The following PCDHA6 variants were observed in gnomAD, a reference collection of about 807,000 sequenced individuals.
PCDHA6 encodes protocadherin alpha 6, also known as protocadherin alpha-6.
Under a neutral mutation model 60.3 loss-of-function variants are expected in PCDHA6, and 55 were observed. That is an observed-to-expected ratio of 0.91 (90% confidence interval 0.73 to 1.14). The LOEUF is 1.14. PCDHA6 is among the 50% of genes most tolerant of loss of function. PCDHA6 has a pLI of 0.00. For missense variants in PCDHA6, 1,327 were observed against 1,256.5 expected, an observed-to-expected ratio of 1.06 and a Z score of -0.85; for synonymous variants, 652 against 557.9, an observed-to-expected ratio of 1.17 and a Z score of -2.38.
chr5:140,837,661 T>C (rs1775184635), intron 1 of PCDHA6, among the ~76,000 whole-genome samples: 1 of 151,786 alleles, frequency 6.6e-6, no homozygotes, highest in East Asian at 1.9e-4. Flanking sequence ...TCCTTTTTCT[T>C]TCATTCTTTT....
chr5:140,984,882 A>G (rs1456658089), intron 3 of PCDHA6, among the ~76,000 whole-genome samples: 3 of 152,150 alleles, frequency 2.0e-5, no homozygotes, highest in African/African-American at 7.2e-5. Context: ...AGTTACCATG[A>G]GAACTAAAGG....
At chr5:140,992,261 G>A (rs1056414788) in intron 3 of PCDHA6, among the ~76,000 whole-genome samples, 1 of 152,172 alleles carries the variant, frequency 6.6e-6, no homozygotes, top group Non-Finnish European at 1.5e-5. Context: ...AAAGATGAAA[G>A]TTCTTTTCGT....
At position 140,830,305 on chromosome 5, in the gene PCDHA6, G is replaced by T. The variant is rs2150184776; in HGVS notation, c.2214G>T (p.Thr738=). 2 of 1,613,830 alleles carry T rather than the reference G, an allele frequency of 1.2e-6. No homozygotes were observed. The highest frequency in any genetic ancestry group is 1.7e-6 in the Non-Finnish European group (2 of 1,179,910). ...TEGACTADKP[T]LVCSSAVGSW... ...GCGCGTGCACGGCGGACAAGCCCAC[G>T]CTGGTGTGCTCCAGCGCAGTGGGGA... Residue 738 remains threonine (T), a synonymous_variant, in exon 1 of 4, where the codon ACG becomes ACT. Coordinates refer to ENST00000529310, the MANE Select transcript of PCDHA6 (RefSeq NM_018909.4).
intron 1 of PCDHA6, among the ~76,000 whole-genome samples, chr5:140,889,945 C>A (rs2153428950): frequency 6.6e-6 from 1 of 152,212 alleles, no homozygotes; most frequent in Non-Finnish European, 1.5e-5. Flanking sequence ...TTGTGAGAAG[C>A]CAAATGGATA....
intron 1 of PCDHA6, chr5:140,877,194 A>G (rs1350324855): frequency 1.2e-6 from 2 of 1,613,646 alleles, no homozygotes; most frequent in Non-Finnish European, 1.7e-6. Context: ...GCAGCGCAGG[A>G]GGCGCAGTTA....
chr5:140,889,067 C>T (rs1169049844), intron 1 of PCDHA6, among the ~76,000 whole-genome samples: 1 of 151,942 alleles, frequency 6.6e-6, no homozygotes, highest in Admixed American at 6.6e-5. Flanking sequence ...TAATATACTA[C>T]TTATTTTGTT....
chr5:141,004,897 G>T (rs1455115465), intron 3 of PCDHA6, among the ~76,000 whole-genome samples: 1 of 152,154 alleles, frequency 6.6e-6, no homozygotes, highest in Non-Finnish European at 1.5e-5. Context: ...TGTCAGCTCT[G>T]CCAGGGTGTA....
chr5:140,966,453 C>G, intron 1 of PCDHA6: 1 of 426,310 alleles, frequency 2.3e-6, no homozygotes, highest in Non-Finnish European at 4.1e-6. Flanking sequence ...TTCCCCCTCC[C>G]CCTCTGTCTT....
intron 1 of PCDHA6, among the ~76,000 whole-genome samples, chr5:140,977,142 T>C (rs781987643): frequency 6.6e-6 from 1 of 152,236 alleles, no homozygotes; most frequent in Non-Finnish European, 1.5e-5. Context: ...TCAGTCCTGC[T>C]GGAACTGTGC....
intron 1 of PCDHA6, chr5:140,870,454 G>A (rs782508076): frequency 6.2e-7 from 1 of 1,614,236 alleles, no homozygotes; most frequent in African/African-American, 1.3e-5. Flanking sequence ...GAACGACAAT[G>A]CGCCTGCGTT....
At chr5:140,959,428 A>AT (rs2095488424) in intron 1 of PCDHA6, among the ~76,000 whole-genome samples, 1 of 152,102 alleles carries the variant, frequency 6.6e-6, no homozygotes, top group Non-Finnish European at 1.5e-5. Context: ...GAATTTGTGT[A>AT]TTTTTTTCTA....
intron 1 of PCDHA6, among the ~76,000 whole-genome samples, chr5:140,833,457 A>G (rs1304968349): frequency 2.0e-5 from 3 of 152,216 alleles, no homozygotes; most frequent in East Asian, 3.8e-4. Context: ...AATAAAATAA[A>G]CTTACATTTT....
At chr5:140,943,974 T>G (rs1356208474) in intron 1 of PCDHA6, among the ~76,000 whole-genome samples, 2 of 152,022 alleles carry the variant, frequency 1.3e-5, no homozygotes, top group African/African-American at 4.8e-5. Flanking sequence ...TTAAAGTAAT[T>G]AAGAAAACAG....
intron 1 of PCDHA6, chr5:140,867,087 G>T (rs1320862107): frequency 3.9e-5 from 6 of 151,970 alleles, no homozygotes; most frequent in African/African-American, 1.4e-4. Context: ...CTGTATTGTT[G>T]GAAATTAACA....
chr5:140,978,778 T>C, intron 1 of PCDHA6, 171 bp from the exon 2 acceptor site: 1 of 968,888 alleles, frequency 1.0e-6, no homozygotes, highest in Non-Finnish European at 1.2e-6. Context: ...CTAATTTTCT[T>C]CTAAAGTGCT....
intron 1 of PCDHA6, among the ~76,000 whole-genome samples, chr5:140,880,028 G>A (rs577776398): frequency 1.2e-4 from 19 of 152,308 alleles, no homozygotes; most frequent in African/African-American, 4.6e-4. Flanking sequence ...AAATCCACAA[G>A]TTCCAGGGAT....
chr5:140,846,669 C>T (rs894601442), intron 1 of PCDHA6, among the ~76,000 whole-genome samples: 2 of 149,244 alleles, frequency 1.3e-5, no homozygotes, highest in Non-Finnish European at 3.0e-5. Flanking sequence ...CCACCGCGCC[C>T]AGCCTAAAAT....
At chr5:140,924,901 A>AAAAAAATAAAT (rs369245222) in intron 1 of PCDHA6, among the ~76,000 whole-genome samples, 34 of 80,504 alleles carry the variant, frequency 4.2e-4, no homozygotes, top group Non-Finnish European at 7.7e-4. Context: ...TCTCAAAAAA[A>AAAAAAATAAAT]AAAATAAAAT....
intron 1 of PCDHA6, among the ~76,000 whole-genome samples, chr5:140,831,517 C>T (rs1771584524): frequency 7.7e-6 from 1 of 129,936 alleles, no homozygotes; most frequent in East Asian, 2.2e-4. Context: ...CCATGCCCCC[C>T]ACCTTTTTTT....
Sources: gnomAD v4.1 joint callset for allele counts (sites outside exome capture counted in the v4.1 genomes callset) on GRCh38, gnomAD v4.1.1 for gene constraint, MANE v1.5 for transcripts, NCBI Gene and HGNC (gene_info 2026-07-23, HGNC 2026-07-21) for gene names.